ERBB4: variants seen among roughly 807,000 people sequenced by gnomAD.
ERBB4 encodes erb-b2 receptor tyrosine kinase 4.
A neutral mutation model predicts 158.0 loss-of-function variants in ERBB4; 42 were observed. The ratio of observed to expected loss-of-function variants is 0.27; its 90% CI spans 0.21 to 0.34. The LOEUF (loss-of-function observed/expected upper bound fraction) is 0.34. Ranked by LOEUF, ERBB4 falls within the 10% of genes least tolerant of loss-of-function variation. The pLI is 1.00. For synonymous variants in ERBB4, 583 were observed against 558.7 expected (o/e 1.04, Z -0.61); for missense variants, 1,333 against 1,624.1 (o/e 0.82, Z 3.08).
intron 19 of ERBB4, among the ~76,000 whole-genome samples, chr2:211,604,192 C>T (rs796114214): frequency 6.6e-6 from 1 of 152,076 alleles, no homozygotes; most frequent in Admixed American, 6.5e-5. Context: ...AAGGTGTTAT[C>T]GGTGCAATCA....
chr2:211,955,724 T>A (rs1248962834), intron 2 of ERBB4, among the ~76,000 whole-genome samples: 3 of 152,108 alleles, frequency 2.0e-5, no homozygotes, highest in Admixed American at 6.6e-5. Flanking sequence ...ATAAGACAAA[T>A]GCCACGCTGT....
At chr2:211,563,804 T>C (rs1238800059) in intron 19 of ERBB4, among the ~76,000 whole-genome samples, 5 of 152,188 alleles carry the variant, frequency 3.3e-5, no homozygotes, top group Non-Finnish European at 7.4e-5. Flanking sequence ...TACGTATCTA[T>C]GTTTTTGATG....
intron 2 of ERBB4, among the ~76,000 whole-genome samples, chr2:212,090,957 TTATC>T (rs2078756734): frequency 6.6e-6 from 1 of 152,322 alleles, no homozygotes; most frequent in Middle Eastern, 3.4e-3. Flanking sequence ...AATTAATTCT[TTATC>T]TATCTTACGT....
At chr2:212,010,308 G>A (rs1308743288) in intron 2 of ERBB4, among the ~76,000 whole-genome samples, 1 of 152,104 alleles carries the variant, frequency 6.6e-6, no homozygotes, top group African/African-American at 2.4e-5. Context: ...TAAGCTTCTG[G>A]TGGTCTAAAC....
intron 16 of ERBB4, among the ~76,000 whole-genome samples, chr2:211,653,323 C>A (rs1333390438): frequency 6.6e-6 from 1 of 152,086 alleles, no homozygotes; most frequent in Non-Finnish European, 1.5e-5. Context: ...GAAAGAAATT[C>A]CAGCAGCAGC....
intron 1 of ERBB4, among the ~76,000 whole-genome samples, chr2:212,277,204 A>G (rs1269862875): frequency 6.6e-6 from 1 of 151,820 alleles, no homozygotes; most frequent in Non-Finnish European, 1.5e-5. Context: ...GACTGAAAAG[A>G]TCTAGGGAAG....
intron 1 of ERBB4, among the ~76,000 whole-genome samples, chr2:212,221,419 G>C (rs368566638): frequency 1.3e-5 from 2 of 151,454 alleles, no homozygotes; most frequent in South Asian, 4.1e-4. Flanking sequence ...TAAAATCAGA[G>C]ACCCACACAT....
At chr2:211,679,984 A>G (rs2072268951) in intron 12 of ERBB4, among the ~76,000 whole-genome samples, 1 of 152,184 alleles carries the variant, frequency 6.6e-6, no homozygotes, top group South Asian at 2.1e-4. Context: ...CAACCAAAAT[A>G]TAAGTTTTCT....
intron 1 of ERBB4, among the ~76,000 whole-genome samples, chr2:212,160,594 G>A (rs2081173725): frequency 6.6e-6 from 1 of 151,988 alleles, no homozygotes; most frequent in Admixed American, 6.6e-5. Context: ...CGCAGTCATG[G>A]TGTGGTTACA....
At chr2:212,358,660 A>T (rs10174236) in intron 1 of ERBB4, among the ~76,000 whole-genome samples, 49,697 of 151,610 alleles carry the variant, frequency 0.33, 11,165 homozygotes, top group African/African-American at 0.65. Context: ...TCAATGATTT[A>T]AGTAACATGA....
At chr2:211,571,637 G>A (rs758297997) in intron 19 of ERBB4, among the ~76,000 whole-genome samples, 26 of 151,948 alleles carry the variant, frequency 1.7e-4, no homozygotes, top group Non-Finnish European at 1.8e-4. Context: ...TAGAATTATC[G>A]GTGAAATGTC....
chr2:212,435,375 T>A (rs538392986), intron 1 of ERBB4, among the ~76,000 whole-genome samples: 1 of 152,134 alleles, frequency 6.6e-6, no homozygotes. Flanking sequence ...AGACTTGATG[T>A]TAAATTTTGG....
rs1490672210 is a variant in ERBB4 at position 211,838,130 on chromosome 2, A to G, written c.422-49971T>C. 2.6e-5 allele frequency among the ~76,000 whole-genome samples: 4 copies of G among 152,038 alleles called. No individual in the cohort carries two copies. The South Asian group carries it at 8.3e-4, about 31-fold the overall frequency. On this transcript the variant is annotated intron_variant, in intron 3 of 27. Coordinates refer to ENST00000342788, the MANE Select transcript of ERBB4 (RefSeq NM_005235.3). ...GAGAATCAACAGCAGAGCTGGTGTCACCCTCACTTGTGTTCGCTTTCCATG... is the reference window on the plus strand; with the variant it reads ...GAGAATCAACAGCAGAGCTGGTGTCGCCCTCACTTGTGTTCGCTTTCCATG...
intron 1 of ERBB4, among the ~76,000 whole-genome samples, chr2:212,191,423 T>A (rs1574397181): frequency 5.5e-5 from 1 of 18,072 alleles, no homozygotes; most frequent in South Asian, 1.4e-3. Context: ...TACAACCTAG[T>A]TGTAGGTATA....
At chr2:212,445,897 T>G (rs990507412) in intron 1 of ERBB4, among the ~76,000 whole-genome samples, 8 of 152,262 alleles carry the variant, frequency 5.3e-5, no homozygotes, top group Admixed American at 5.2e-4. Flanking sequence ...GTAATTGTCA[T>G]GATTATTTCC....
intron 25 of ERBB4, among the ~76,000 whole-genome samples, chr2:211,398,384 C>T (rs114168977): frequency 0.016 from 2,487 of 152,254 alleles, 37 homozygotes; most frequent in African/African-American, 0.033. Context: ...GCTTCTGATA[C>T]AGAAGTAAAC....
chr2:211,384,596 CT>C (rs1359141215), intron 27 of ERBB4, among the ~76,000 whole-genome samples: 1 of 151,918 alleles, frequency 6.6e-6, no homozygotes, highest in African/African-American at 2.4e-5. Context: ...GGAGATGCTT[CT>C]GAAAAAGGTT....
intron 2 of ERBB4, among the ~76,000 whole-genome samples, chr2:211,982,680 A>T (rs1013266676): frequency 1.3e-5 from 2 of 152,228 alleles, no homozygotes; most frequent in African/African-American, 4.8e-5. Flanking sequence ...ATCCGATTCT[A>T]TAGGGCTCTG....
At chr2:211,613,676 C>G (rs1339962652) in intron 19 of ERBB4, among the ~76,000 whole-genome samples, 1 of 152,026 alleles carries the variant, frequency 6.6e-6, no homozygotes, top group African/African-American at 2.4e-5. Flanking sequence ...TGCTCAATAT[C>G]ACTGATCATC....
Sources: allele counts gnomAD v4.1 joint callset (sites outside exome capture counted in the v4.1 genomes callset), GRCh38; gene constraint gnomAD v4.1.1; transcripts MANE v1.5; gene names NCBI Gene and HGNC (gene_info 2026-07-23, HGNC 2026-07-21).